Variants in TSPAN32 observed in about 807,000 individuals in gnomAD.
TSPAN32 encodes the protein tetraspanin 32.
Under a neutral mutation model 42.7 loss-of-function variants are expected in TSPAN32, and 47 were observed. The ratio of observed to expected loss-of-function variants is 1.10; its 90% CI spans 0.87 to 1.40. The LOEUF (loss-of-function observed/expected upper bound fraction) is 1.40, where lower values mean the gene tolerates loss of function less well. Ranked by LOEUF, TSPAN32 falls within the 40% of genes most tolerant of loss-of-function variation. TSPAN32 has a pLI of 0.00. For missense variants in TSPAN32, 469 were observed against 424.1 expected (o/e 1.11, Z -0.93); for synonymous variants, 175 against 175.9 (o/e 0.99, Z 0.04).
rs751841969 is a variant in TSPAN32, at chr11:2,304,149, G to C, written c.224G>C (p.Gly75Ala). The C allele has an allele frequency of 6.3e-7, 1 of 1,589,140 alleles. No homozygotes were observed. The highest frequency in any genetic ancestry group is 1.3e-5 in the African/African-American group (1 of 74,598). The change falls in exon 3 of 10, where the codon GGA becomes GCA. Residue 75 changes from glycine to alanine, a missense_variant. By Grantham distance (60) the Gly-to-Ala change is moderately conservative. Transcript: ENST00000182290. This position sits in a 1 kb window ranked among gnomAD's most constrained non-coding sequence, Gnocchi z 4.8. ...AGCCTGGTGGGCCTCCTGACTCTGGGAGCCGTGCTGAGCGCTGCAGCCACC... is the reference window on the plus strand; with the variant it reads ...AGCCTGGTGGGCCTCCTGACTCTGGCAGCCGTGCTGAGCGCTGCAGCCACC... ...GLSLVGLLTLGAVLSAAATVR... is the reference protein window; with the variant it reads ...GLSLVGLLTLAAVLSAAATVR...
Position 2,304,129 on chromosome 11 carries a change from G to T in TSPAN32, c.204G>T (p.Leu68=), listed in dbSNP as rs765534620. 6.9e-6 allele frequency: 11 copies of T among 1,586,058 alleles called. No individual in the cohort carries two copies. Among genetic ancestry groups the T allele is most frequent in the Non-Finnish European group, 9.4e-6 (11 of 1,166,400 alleles). The change falls in exon 3 of 10, where the codon CTG becomes CTT. Residue 68 remains leucine (L), a synonymous_variant. Transcript: ENST00000182290. This position sits in a 1 kb window ranked among gnomAD's most constrained non-coding sequence, Gnocchi z 4.8. ...CAGCCTTCTCTGCGGGGTTGAGCCT[G>T]GTGGGCCTCCTGACTCTGGGAGCCG... is the stretch of plus-strand genomic sequence containing the variant. The part of the protein sequence containing the change: ...HQWAFSAGLS[L]VGLLTLGAVL...
At chr11:2,302,793 T>C (rs1297639140) in intron 1 of TSPAN32, 51 bp from the exon 2 acceptor site, 3 of 1,524,012 alleles carry the variant, frequency 2.0e-6, no homozygotes, top group East Asian at 2.3e-5. Context: ...CCGAGCTCCC[T>C]GCTCCTGCAG....
In TSPAN32 at chr11:2,316,083, G is replaced by A. The variant is rs376223340; in HGVS notation, c.544-146G>A. 6 of 1,531,872 alleles carry A rather than the reference G, an allele frequency of 3.9e-6. No individual in the cohort carries two copies. The African/African-American group carries it at 5.5e-5, about 14-fold the overall frequency. 94.9% of individuals were successfully genotyped at this position (1,531,872 alleles called of 1,614,324 possible). A position where few individuals can be genotyped will look rare whatever the true frequency, so the allele number is the denominator to read the frequency against. Reference sequence around the variant, plus strand: ...GCTGCCTTTCCCTAGAGCCCTGGGGGCTTCCTAGGAATGTGCCGCACCCGC... The same window carrying A: ...GCTGCCTTTCCCTAGAGCCCTGGGGACTTCCTAGGAATGTGCCGCACCCGC... On this transcript the variant is annotated intron_variant, in intron 6 of 9. Coordinates refer to ENST00000182290, the MANE Select transcript of TSPAN32 (RefSeq NM_139022.3).
intron 3 of TSPAN32, among the ~76,000 whole-genome samples, chr11:2,307,528 C>A (rs1022984502): frequency 6.6e-6 from 1 of 151,878 alleles, no homozygotes; most frequent in African/African-American, 2.4e-5. Context: ...AAGGCAAAGG[C>A]GGCTGCCCAG....
rs1458198515 is a variant in TSPAN32 at position 2,316,294 on chromosome 11, C to T, written c.609C>T (p.Ser203=). The T allele has an allele frequency of 5.6e-6, 9 of 1,601,986 alleles. No individual in the cohort carries two copies. The highest frequency in any genetic ancestry group is 1.6e-4 in the Middle Eastern group (1 of 6,072). The change falls in exon 7 of 10, where the codon AGC becomes AGT. Residue 203 remains serine (S), a synonymous_variant. Coordinates refer to ENST00000182290, the MANE Select transcript of TSPAN32 (RefSeq NM_139022.3). ...AGCAGGTCGCCTCCAGCCTGACCAG[C>T]ATCGGCCTGGCCCTCACGGTACCCT... The part of the protein sequence containing the change: ...THQQVASSLT[S]IGLALTVSAL...
chr11:2,302,667 G>A (rs981892478), intron 1 of TSPAN32, 177 bp from the exon 2 acceptor site: 15 of 608,486 alleles, frequency 2.5e-5, no homozygotes, highest in South Asian at 1.2e-4. Flanking sequence ...GTGCTGGGGC[G>A]TCTGCAGTGA....
chr11:2,315,384 G>A (rs1156920933), intron 6 of TSPAN32: 7 of 1,137,154 alleles, frequency 6.2e-6, no homozygotes, highest in Middle Eastern at 3.1e-4. Flanking sequence ...AGGGACCAGC[G>A]GCATTGGGGG....
At chr11:2,302,720 C>A in intron 1 of TSPAN32, 124 bp from the exon 2 acceptor site, 1 of 749,262 alleles carries the variant, frequency 1.3e-6, no homozygotes, top group Non-Finnish European at 2.2e-6. Flanking sequence ...GGAATCCCTG[C>A]AGCTGAGCCT....
chr11:2,304,129 G>C lies in TSPAN32; in HGVS notation c.204G>C (p.Leu68=), dbSNP rs765534620. 2.5e-6 allele frequency: 4 copies of C among 1,586,058 alleles called. No individual in the cohort carries two copies. Among genetic ancestry groups the C allele is most frequent in the Admixed American group, 3.6e-5 (2 of 55,582 alleles). ...HQWAFSAGLS[L]VGLLTLGAVL... ...CAGCCTTCTCTGCGGGGTTGAGCCT[G>C]GTGGGCCTCCTGACTCTGGGAGCCG... Residue 68 remains leucine, a synonymous_variant, in exon 3 of 10, where the codon CTG becomes CTC. Coordinates refer to ENST00000182290, the MANE Select transcript of TSPAN32 (RefSeq NM_139022.3). The surrounding 1 kb of genome is among the most constrained non-coding windows in gnomAD (Gnocchi z 4.8).
At chr11:2,315,782 G>C (rs11022252) in intron 6 of TSPAN32, 1,268,357 of 1,287,434 alleles carry the variant, frequency 0.99, 624,821 homozygotes, top group East Asian at 1. Flanking sequence ...GAACCAGGAA[G>C]CTGGGACTGT....
intron 6 of TSPAN32, chr11:2,315,686 G>C: frequency 8.4e-7 from 1 of 1,195,430 alleles, no homozygotes; most frequent in Non-Finnish European, 1.1e-6. Context: ...TCATCTCCAG[G>C]GTTCAGAGAC....
intron 4 of TSPAN32, among the ~76,000 whole-genome samples, chr11:2,311,940 G>A (rs955679531): frequency 2.0e-5 from 3 of 152,196 alleles, no homozygotes; most frequent in Non-Finnish European, 4.4e-5. Context: ...CCAGACAACC[G>A]GCTTTGGGGT....
intron 6 of TSPAN32, 33 bp from the exon 7 acceptor site, chr11:2,316,196 A>G (rs780982719): frequency 2.6e-5 from 39 of 1,523,166 alleles, no homozygotes; most frequent in Non-Finnish European, 3.3e-5. Context: ...AGGGCCGCTC[A>G]GGGCGGGTAC....
At chr11:2,302,533 G>A (rs190287607) in intron 1 of TSPAN32, among the ~76,000 whole-genome samples, 167 of 152,308 alleles carry the variant, frequency 1.1e-3, no homozygotes, top group Non-Finnish European at 1.9e-3. Flanking sequence ...TTCCTGCCCC[G>A]GAGGGTGCTG....
intron 3 of TSPAN32, chr11:2,306,946 G>GGAA (rs1848147995): frequency 7.2e-5 from 2 of 27,944 alleles, no homozygotes; most frequent in Admixed American, 5.4e-4. Flanking sequence ...GGAAGGAGGA[G>GGAA]AAGGAGGAGG....
chr11:2,304,030 GA>G lies in TSPAN32; in HGVS notation c.182-76del. On this transcript the variant is annotated intron_variant, in intron 2 of 9. Transcript: ENST00000182290. The surrounding 1 kb of genome is among the most constrained non-coding windows in gnomAD (Gnocchi z 4.8). ...CTCACGGCCCCTGACTCCCAAGTTA[GA>G]TTTCACACCCAGGCTGTGTGCACTC... 1 of 1,180,934 alleles carries G rather than the reference GA, an allele frequency of 8.5e-7. No homozygotes were observed. The highest frequency in any genetic ancestry group is 1.9e-4 in the Middle Eastern group (1 of 5,286). 73.2% of individuals were successfully genotyped at this position (1,180,934 alleles called of 1,614,324 possible).
In TSPAN32 at chr11:2,313,574, G is replaced by T; in HGVS notation, c.355-80G>T. The T allele has an allele frequency of 8.7e-7, 1 of 1,151,598 alleles. No individual in the cohort carries two copies. 71.3% of individuals were successfully genotyped at this position (1,151,598 alleles called of 1,614,324 possible). ...CACTCAGCACTAAGGGCCCACTAGC[G>T]TTTGGGATGTCGTGGGGAGGGGGCT... On this transcript the variant is annotated intron_variant, in intron 4 of 9. Coordinates refer to ENST00000182290, the MANE Select transcript of TSPAN32 (RefSeq NM_139022.3). This position sits in a 1 kb window ranked among gnomAD's most constrained non-coding sequence, Gnocchi z 9.1.
At chr11:2,315,074 C>G in intron 6 of TSPAN32, 2 of 322,922 alleles carry the variant, frequency 6.2e-6, no homozygotes, top group Non-Finnish European at 1.1e-5. Context: ...AACAACAGAG[C>G]GGGGCCCGAG....
intron 3 of TSPAN32, among the ~76,000 whole-genome samples, chr11:2,306,567 G>A (rs1436255396): frequency 1.3e-5 from 2 of 151,328 alleles, no homozygotes; most frequent in African/African-American, 4.9e-5. Context: ...GAGAGAAAGA[G>A]AGAAAGAGAG....
Sources: allele counts gnomAD v4.1 joint callset (sites outside exome capture counted in the v4.1 genomes callset), GRCh38; gene constraint gnomAD v4.1.1; non-coding constraint Gnocchi (gnomAD v3.1); transcripts MANE v1.5; gene names NCBI Gene and HGNC (gene_info 2026-07-23, HGNC 2026-07-21).